The following UNC5B variants were observed in gnomAD, a reference collection of about 807,000 sequenced individuals.
The protein encoded by UNC5B is unc-5 netrin receptor B.
Under a neutral mutation model 103.7 loss-of-function variants are expected in UNC5B, and 56 were observed. The ratio of observed to expected loss-of-function variants is 0.54; its 90% CI spans 0.44 to 0.67. The LOEUF (loss-of-function observed/expected upper bound fraction) is 0.67, where lower values mean the gene tolerates loss of function less well. UNC5B is among the 30% of genes least tolerant of loss of function. The pLI is 0.00. For synonymous variants in UNC5B, 577 were observed against 542.0 expected, an observed-to-expected ratio of 1.06 and a Z score of -0.90; for missense variants, 1,194 against 1,284.5, an observed-to-expected ratio of 0.93 and a Z score of 1.08.
chr10:71,282,262 AG>A (rs1004728452), intron 2 of UNC5B, among the ~76,000 whole-genome samples: 3 of 152,184 alleles, frequency 2.0e-5, no homozygotes, highest in African/African-American at 7.2e-5. Context: ...GCTGGGGGCC[AG>A]GAGAGGCAGA....
intron 1 of UNC5B, among the ~76,000 whole-genome samples, chr10:71,241,038 C>T (rs1231686337): frequency 6.6e-6 from 1 of 152,216 alleles, no homozygotes; most frequent in East Asian, 1.9e-4. Context: ...TGGTAGCCTA[C>T]ATGTATGCCA....
intron 1 of UNC5B, among the ~76,000 whole-genome samples, chr10:71,251,350 A>G (rs1330639373): frequency 3.3e-5 from 5 of 152,238 alleles, no homozygotes; most frequent in South Asian, 2.1e-4. Flanking sequence ...GCGGTTTTTA[A>G]ACTTTTAAAC....
Position 71,291,481 on chromosome 10 carries a change from C to G in UNC5B, c.1344C>G (p.Ser448Arg). ...HPSVPPDLTA[S>R]AGIYRGPVYA... ...CTGTGCCTCCTGACCTGACAGCCAG[C>G]GCCGGCATCTACCGCGGACCCGTGT... The change falls in exon 10 of 17, where the codon AGC becomes AGG. Residue 448 changes from serine (S) to arginine (R), a missense_variant. Ser to Arg is a moderately radical substitution (Grantham distance 110, BLOSUM62 -1). Coordinates refer to ENST00000335350, the MANE Select transcript of UNC5B (RefSeq NM_170744.5). 6.2e-7 allele frequency: 1 copy of G among 1,613,894 alleles called. No homozygotes were observed. The highest frequency in any genetic ancestry group is 2.2e-5 in the East Asian group (1 of 44,870).
intron 1 of UNC5B, among the ~76,000 whole-genome samples, chr10:71,268,970 C>G (rs1564724264): frequency 6.6e-6 from 1 of 152,224 alleles, no homozygotes; most frequent in Non-Finnish European, 1.5e-5. Context: ...AAACGCGTGG[C>G]AGGAGCAGGC....
intron 1 of UNC5B, among the ~76,000 whole-genome samples, chr10:71,279,481 G>T (rs879405537): frequency 3.9e-5 from 6 of 152,166 alleles, no homozygotes; most frequent in South Asian, 2.1e-4. Flanking sequence ...CAGACGTTGT[G>T]GGGGGGCCCA....
chr10:71,221,436 G>A (rs1481741700), intron 1 of UNC5B, among the ~76,000 whole-genome samples: 2 of 152,208 alleles, frequency 1.3e-5, no homozygotes, highest in Non-Finnish European at 2.9e-5. Context: ...CTCAGAGGCA[G>A]GGGGAGGCCA....
chr10:71,281,153 C>T (rs1168550634), intron 2 of UNC5B, among the ~76,000 whole-genome samples: 1 of 152,138 alleles, frequency 6.6e-6, no homozygotes, highest in East Asian at 1.9e-4. Flanking sequence ...ATGTAAAGCT[C>T]ACAGATTTCA....
intron 1 of UNC5B, among the ~76,000 whole-genome samples, chr10:71,223,778 T>TTTTTTTTTTTTTTTTTTGAGAC (rs1843497014): frequency 6.6e-6 from 1 of 152,186 alleles, no homozygotes; most frequent in Non-Finnish European, 1.5e-5. Context: ...TGCCTTCTTG[T>TTTTTTTTTTTTTTTTTTGAGAC]GGCTCAAGAG....
intron 1 of UNC5B, among the ~76,000 whole-genome samples, chr10:71,241,237 A>G (rs1441079448): frequency 6.6e-6 from 1 of 152,098 alleles, no homozygotes; most frequent in South Asian, 2.1e-4. Flanking sequence ...GCTGTGATTC[A>G]CTTTAGCTAG....
chr10:71,287,891 C>A, intron 6 of UNC5B, 126 bp downstream of exon 6: 4 of 1,308,156 alleles, frequency 3.1e-6, no homozygotes, highest in Non-Finnish European at 4.1e-6. Flanking sequence ...CCCGAGCCCA[C>A]AGCCGGCTGC....
Position 71,289,008 on chromosome 10 carries a change from G to C in UNC5B, c.1099+18G>C, listed in dbSNP as rs1845175363. ...CAGCCACCGTAAGTCCCATTTCATG[G>C]CTGTCCTCTTTCCTCTGGGGGATCC... On this transcript the variant is annotated intron_variant, in intron 8 of 16. Coordinates refer to ENST00000335350, the MANE Select transcript of UNC5B (RefSeq NM_170744.5). The C allele has an allele frequency of 6.2e-7, 1 of 1,614,158 alleles. No individual in the cohort carries two copies. The highest frequency in any genetic ancestry group is 1.1e-5 in the South Asian group (1 of 91,082).
chr10:71,291,683 G>A lies in UNC5B; in HGVS notation c.1546G>A (p.Ala516Thr), dbSNP rs10509332. 41,698 of 1,613,380 alleles carry A rather than the reference G, an allele frequency of 0.026. 776 individuals carry two copies. Among genetic ancestry groups the A allele is most frequent in the African/African-American group, 0.08 (6,016 of 75,010 alleles). Residue 516 changes from alanine (A) to threonine (T), a missense_variant, in exon 10 of 17, where the codon GCC becomes ACC. Physicochemically the swap from Ala to Thr is moderately conservative, Grantham distance 58. Coordinates refer to ENST00000335350, the MANE Select transcript of UNC5B (RefSeq NM_170744.5). ...GCCTGGCACATACCCTAGCGATTTCGCCCGGGACACCCACTTCCTGCACCT... is the reference window on the plus strand; with the variant it reads ...GCCTGGCACATACCCTAGCGATTTCACCCGGGACACCCACTTCCTGCACCT... ...LPPGTYPSDFARDTHFLHLRS... is the reference protein window; with the variant it reads ...LPPGTYPSDFTRDTHFLHLRS...
intron 1 of UNC5B, among the ~76,000 whole-genome samples, chr10:71,230,371 A>G (rs1300266616): frequency 1.3e-5 from 2 of 152,300 alleles, no homozygotes; most frequent in African/African-American, 2.4e-5. Context: ...GGTTGAAGAC[A>G]GGCAGTCCCT....
chr10:71,289,511 C>G (rs1453264504), intron 8 of UNC5B, among the ~76,000 whole-genome samples: 7 of 152,212 alleles, frequency 4.6e-5, no homozygotes, highest in African/African-American at 1.7e-4. Context: ...CCTCCAGCCC[C>G]AGAGGCTGCG....
chr10:71,269,116 A>C (rs903393223), intron 1 of UNC5B, among the ~76,000 whole-genome samples: 1 of 152,174 alleles, frequency 6.6e-6, no homozygotes, highest in African/African-American at 2.4e-5. Flanking sequence ...AAAGCATGGG[A>C]TATGCAACTT....
intron 1 of UNC5B, among the ~76,000 whole-genome samples, chr10:71,264,671 G>A (rs140513220): frequency 9.2e-5 from 14 of 152,352 alleles, no homozygotes; most frequent in African/African-American, 2.9e-4. Context: ...GCATAGAGCC[G>A]TGTGTGGACT....
chr10:71,222,867 G>A (rs957870494), intron 1 of UNC5B, among the ~76,000 whole-genome samples: 3 of 152,250 alleles, frequency 2.0e-5, no homozygotes, highest in Admixed American at 6.5e-5. Context: ...GATCAGAGGC[G>A]TCCGCCTGCC....
At chr10:71,284,139 A>G (rs1209640765) in intron 2 of UNC5B, among the ~76,000 whole-genome samples, 3 of 152,206 alleles carry the variant, frequency 2.0e-5, no homozygotes, top group South Asian at 2.1e-4. Context: ...AGTGCCGAGC[A>G]GTGCTGGGAG....
At chr10:71,243,142 G>A (rs1469021386) in intron 1 of UNC5B, among the ~76,000 whole-genome samples, 1 of 152,194 alleles carries the variant, frequency 6.6e-6, no homozygotes, top group East Asian at 1.9e-4. Context: ...GGCTGAGGCA[G>A]GAGAATTGCT....
Sources: gnomAD v4.1 joint callset for allele counts (sites outside exome capture counted in the v4.1 genomes callset) on GRCh38, gnomAD v4.1.1 for gene constraint, MANE v1.5 for transcripts, NCBI Gene and HGNC (gene_info 2026-07-23, HGNC 2026-07-21) for gene names.